Variants in WDR33 observed in about 807,000 individuals in gnomAD.
WDR33 encodes WD repeat domain 33.
WDR33 carries 47 observed loss-of-function variants against 164.9 expected under a neutral mutation model. The observed-to-expected ratio is 0.29, with a 90% CI of 0.23 to 0.36. The LOEUF (loss-of-function observed/expected upper bound fraction) is 0.36. Ranked by LOEUF, WDR33 falls within the 10% of genes least tolerant of loss-of-function variation. The pLI is 1.00. For synonymous variants in WDR33, 505 were observed against 589.0 expected, an observed-to-expected ratio of 0.86 and a Z score of 2.06; for missense variants, 1,137 against 1,754.1, an observed-to-expected ratio of 0.65 and a Z score of 6.28.
chr2:127,743,576 A>T, intron 7 of WDR33, among the ~76,000 whole-genome samples: 1 of 150,956 alleles, frequency 6.6e-6, no homozygotes, highest in Non-Finnish European at 1.5e-5. Flanking sequence ...ATAATTCAAG[A>T]ACAGAATAAA....
In WDR33 at chr2:127,703,315, C is replaced by G. The variant is rs1685937684; in HGVS notation, c.*3008G>C. 1 of 167,070 alleles carries G rather than the reference C, an allele frequency of 6.0e-6. No individual in the cohort carries two copies. The highest frequency in any genetic ancestry group is 2.4e-5 in the African/African-American group (1 of 41,456). 10.3% of individuals were successfully genotyped at this position (167,070 alleles called of 1,614,324 possible). A position where few individuals can be genotyped will look rare whatever the true frequency, so the allele number is the denominator to read the frequency against. On this transcript the variant is annotated 3_prime_UTR_variant, in exon 22 of 22. Transcript: ENST00000322313. ...GACATCAGGACCTTTTTAAAGCTCC[C>G]CAAGTGATTCTACGTTCCCCAAGTT...
Position 127,721,470 on chromosome 2 carries a change from G to C in WDR33, c.1671+366C>G, listed in dbSNP as rs1181184178. Among the ~76,000 whole-genome samples the C allele has an allele frequency of 1.3e-5, 2 of 152,130 alleles. No homozygotes were observed. The highest frequency in any genetic ancestry group is 4.8e-5 in the African/African-American group (2 of 41,430). On this transcript the variant is annotated intron_variant, in intron 15 of 21. Coordinates refer to ENST00000322313, the MANE Select transcript of WDR33 (RefSeq NM_018383.5). The surrounding 1 kb of genome is among the most constrained non-coding windows in gnomAD (Gnocchi z 4.9). ...AAGTCACTTAAAAAAAAATTAGTCA[G>C]ACGTGATGGTGCATGCCTGTGGTCT...
chr2:127,713,509 A>G lies in WDR33; in HGVS notation c.3308+74T>C. On this transcript the variant is annotated intron_variant, in intron 18 of 21. Transcript: ENST00000322313. This position sits in a 1 kb window ranked among gnomAD's most constrained non-coding sequence, Gnocchi z 6.2. ...TTCTCTTTCCTCAAGAAAAAGAAGA[A>G]AGAGACCTTTGTGGAGACAGCAGAT... 3 of 1,509,724 alleles carry G rather than the reference A, an allele frequency of 2.0e-6. No homozygotes were observed. The highest frequency in any genetic ancestry group is 3.9e-5 in the Admixed American group (2 of 51,214). The allele number at this position is 1,509,724 out of a possible 1,614,324, so 93.5% of individuals were successfully genotyped here.
rs761402908 is a variant in WDR33 at position 127,714,069 on chromosome 2, C to A, written c.2870-48G>T. ...TTACCATGTCTTCCAGGAAACCTGCCAACATAGGTCTGATCTGTAGCATCT... is the reference window on the plus strand; with the variant it reads ...TTACCATGTCTTCCAGGAAACCTGCAAACATAGGTCTGATCTGTAGCATCT... On this transcript the variant is annotated intron_variant, in intron 17 of 21. Coordinates refer to ENST00000322313, the MANE Select transcript of WDR33 (RefSeq NM_018383.5). The surrounding 1 kb of genome is among the most constrained non-coding windows in gnomAD (Gnocchi z 4.3). The A allele has an allele frequency of 1.4e-6, 2 of 1,469,872 alleles. No individual in the cohort carries two copies. Among genetic ancestry groups the A allele is most frequent in the South Asian group, 1.4e-5 (1 of 72,792 alleles). The allele number at this position is 1,469,872 out of a possible 1,614,324, so 91.1% of individuals were successfully genotyped here.
chr2:127,748,149 T>A (rs1192532297), intron 7 of WDR33, among the ~76,000 whole-genome samples: 1 of 152,198 alleles, frequency 6.6e-6, no homozygotes, highest in African/African-American at 2.4e-5. Flanking sequence ...GCCTCTGTTT[T>A]CCGACAGCAC....
chr2:127,714,148 G>T lies in WDR33; in HGVS notation c.2870-127C>A. ...GAATGTTTTCCCTCCTTGGTTCTCA[G>T]CTTAGTTAGGAGACAAATGTCCCTG... is the stretch of plus-strand genomic sequence containing the variant. On this transcript the variant is annotated intron_variant, in intron 17 of 21. Coordinates refer to ENST00000322313, the MANE Select transcript of WDR33 (RefSeq NM_018383.5). The surrounding 1 kb of genome is among the most constrained non-coding windows in gnomAD (Gnocchi z 4.3). The T allele has an allele frequency of 1.8e-6, 2 of 1,122,444 alleles. No homozygotes were observed. The highest frequency in any genetic ancestry group is 2.4e-6 in the Non-Finnish European group (2 of 834,044). The allele number at this position is 1,122,444 out of a possible 1,614,324, so 69.5% of individuals were successfully genotyped here.
chr2:127,789,768 A>G (rs905857266), intron 1 of WDR33, among the ~76,000 whole-genome samples: 1 of 152,038 alleles, frequency 6.6e-6, no homozygotes, highest in Admixed American at 6.6e-5. Flanking sequence ...TAAGTATGAC[A>G]TAACTACAGA....
chr2:127,732,432 C>T (rs1303718964), intron 7 of WDR33, among the ~76,000 whole-genome samples: 1 of 152,068 alleles, frequency 6.6e-6, no homozygotes, highest in Admixed American at 6.6e-5. Flanking sequence ...AATAATCCTC[C>T]TACCTCAGCC....
chr2:127,708,395 G>C lies in WDR33; in HGVS notation c.3781+282C>G, dbSNP rs78534346. 6.4e-3 allele frequency among the ~76,000 whole-genome samples: 970 copies of C among 152,346 alleles called. 10 individuals carry two copies. The highest frequency in any genetic ancestry group is 0.022 in the African/African-American group (930 of 41,578). On this transcript the variant is annotated intron_variant, in intron 21 of 21. Coordinates refer to ENST00000322313, the MANE Select transcript of WDR33 (RefSeq NM_018383.5). The surrounding 1 kb of genome is among the most constrained non-coding windows in gnomAD (Gnocchi z 6.7). ...CTTGTGGAGGGCAGACTGCCAAGGA[G>C]AGCAGGGCTCCCAGACAGCAAGCCG...
chr2:127,790,384 G>A (rs1356379487), intron 1 of WDR33, among the ~76,000 whole-genome samples: 2 of 152,112 alleles, frequency 1.3e-5, no homozygotes, highest in Non-Finnish European at 2.9e-5. Flanking sequence ...ATATTCATGA[G>A]GGATACTGGT....
Position 127,745,207 on chromosome 2 carries a change from C to T in WDR33, c.724+17855G>A, listed in dbSNP as rs537018450. 1.3e-4 allele frequency among the ~76,000 whole-genome samples: 20 copies of T among 152,204 alleles called. 1 individual carries two copies. Among genetic ancestry groups the T allele is most frequent in the African/African-American group, 4.6e-4 (19 of 41,510 alleles). Reference sequence around the variant, plus strand: ...TGAAGAACACATTTGTGTAAATGTACGACCCAGAGTTTATTTGTTCAACCC... The same window carrying T: ...TGAAGAACACATTTGTGTAAATGTATGACCCAGAGTTTATTTGTTCAACCC... On this transcript the variant is annotated intron_variant, in intron 7 of 21. Transcript: ENST00000322313.
intron 7 of WDR33, among the ~76,000 whole-genome samples, chr2:127,746,170 TTACA>T (rs1687163722): frequency 6.6e-6 from 1 of 151,950 alleles, no homozygotes; most frequent in African/African-American, 2.4e-5. Flanking sequence ...ATATGAGGAC[TTACA>T]TAAATAAAGC....
At chr2:127,799,753 G>A (rs1689171662) in intron 1 of WDR33, among the ~76,000 whole-genome samples, 1 of 152,272 alleles carries the variant, frequency 6.6e-6, no homozygotes, top group Admixed American at 6.5e-5. Context: ...TGAGCACCAG[G>A]AACAGTGGTT....
At chr2:127,739,097 A>G (rs954393228) in intron 7 of WDR33, among the ~76,000 whole-genome samples, 1 of 152,260 alleles carries the variant, frequency 6.6e-6, no homozygotes, top group African/African-American at 2.4e-5. Flanking sequence ...AATTAAATTA[A>G]ACATATTATA....
chr2:127,770,918 G>A lies in WDR33; in HGVS notation c.64C>T (p.Pro22Ser). Residue 22 changes from proline to serine, a missense_variant, in exon 2 of 22, where the codon CCT (proline) becomes TCT (serine). Physicochemically the swap from Pro to Ser is moderately conservative, Grantham distance 74. This residue lies in a region of WDR33 where 24 missense variants were observed against 46.7 expected (regional missense o/e 0.51). Transcript: ENST00000322313. This position sits in a 1 kb window ranked among gnomAD's most constrained non-coding sequence, Gnocchi z 4.9. Reference sequence around the variant, plus strand: ...GGTCGCTTATAAAACAGCTGTCGAGGTGCCTGGTGCTGGAACCTTGGCATA... The same window carrying A: ...GGTCGCTTATAAAACAGCTGTCGAGATGCCTGGTGCTGGAACCTTGGCATA... The part of the protein sequence containing the change: ...FHMPRFQHQA[P>S]RQLFYKRPDF... The A allele has an allele frequency of 6.2e-7, 1 of 1,614,118 alleles. No individual in the cohort carries two copies.
In WDR33 at chr2:127,723,414, A is replaced by C; in HGVS notation, c.1197-67T>G. 2 of 1,234,526 alleles carry C rather than the reference A, an allele frequency of 1.6e-6. No individual in the cohort carries two copies. Among genetic ancestry groups the C allele is most frequent in the Non-Finnish European group, 2.3e-6 (2 of 853,724 alleles). The allele number at this position is 1,234,526 out of a possible 1,614,324, so 76.5% of individuals were successfully genotyped here. ...ATTTTTTTGGGCACTAAACAGTACT[A>C]GGCAGACCCTTGGTAAACACAACAC... On this transcript the variant is annotated intron_variant, in intron 11 of 21. Coordinates refer to ENST00000322313, the MANE Select transcript of WDR33 (RefSeq NM_018383.5). The surrounding 1 kb of genome is among the most constrained non-coding windows in gnomAD (Gnocchi z 5.9).
intron 1 of WDR33, among the ~76,000 whole-genome samples, chr2:127,794,783 G>A (rs1222065271): frequency 2.2e-5 from 3 of 134,852 alleles, no homozygotes; most frequent in Non-Finnish European, 4.7e-5. Context: ...GCAGTGAGCC[G>A]AGATCATGCC....
At chr2:127,801,707 AT>A (rs1313572107) in intron 1 of WDR33, among the ~76,000 whole-genome samples, 1 of 152,068 alleles carries the variant, frequency 6.6e-6, no homozygotes, top group Non-Finnish European at 1.5e-5. Flanking sequence ...ACATGGTGAA[AT>A]CCCATCTCTA....
In WDR33 at chr2:127,701,363, G is replaced by C. The variant is rs1013352426; in HGVS notation, c.*4960C>G. On this transcript the variant is annotated 3_prime_UTR_variant, in exon 22 of 22. Coordinates refer to ENST00000322313, the MANE Select transcript of WDR33 (RefSeq NM_018383.5). ...CAGCACCTGCGACCACGGTACTTGG[G>C]GACACCACAAAAGTCCGCAGAGCAG... 3.4e-5 allele frequency: 19 copies of C among 565,282 alleles called. No individual in the cohort carries two copies. The highest frequency in any genetic ancestry group is 2.9e-4 in the African/African-American group (15 of 51,124). The allele number at this position is 565,282 out of a possible 1,614,324, so 35.0% of individuals were successfully genotyped here. A position where few individuals can be genotyped will look rare whatever the true frequency, so the allele number is the denominator to read the frequency against.
Sources: gnomAD v4.1 joint callset for allele counts (sites outside exome capture counted in the v4.1 genomes callset) on GRCh38, gnomAD v4.1.1 for gene constraint, gnomAD v4.1.1 regional missense constraint, Gnocchi (gnomAD v3.1) non-coding constraint, MANE v1.5 for transcripts, NCBI Gene and HGNC (gene_info 2026-07-23, HGNC 2026-07-21) for gene names.